The following PIK3C2G variants were observed in gnomAD, a reference collection of about 807,000 sequenced individuals.
PIK3C2G encodes the protein phosphatidylinositol 3-kinase C2 domain-containing subunit gamma.
Under a neutral mutation model 181.1 loss-of-function variants are expected in PIK3C2G, and 168 were observed. The observed-to-expected ratio is 0.93, with a 90% CI of 0.82 to 1.05. The LOEUF (loss-of-function observed/expected upper bound fraction) is 1.05. PIK3C2G is among the 50% of genes least tolerant of loss of function. The pLI, the probability that PIK3C2G is intolerant of heterozygous loss-of-function variation, is 0.00. For synonymous variants in PIK3C2G, 573 were observed against 592.2 expected (o/e 0.97, Z 0.47); for missense variants, 1,869 against 1,732.8 (o/e 1.08, Z -1.40).
intron 5 of PIK3C2G, among the ~76,000 whole-genome samples, chr12:18,297,803 C>T (rs1004684138): frequency 4.6e-5 from 7 of 151,974 alleles, no homozygotes; most frequent in Non-Finnish European, 1.0e-4. Context: ...GCTTGTTTTA[C>T]TTAATGTAAT....
chr12:18,275,451 G>A (rs577788786), intron 1 of PIK3C2G, among the ~76,000 whole-genome samples: 102 of 152,046 alleles, frequency 6.7e-4, no homozygotes, highest in African/African-American at 2.2e-3. Flanking sequence ...ACATGATCTC[G>A]ACTCAGTGCA....
intron 12 of PIK3C2G, among the ~76,000 whole-genome samples, chr12:18,364,109 CATCTTTACCTCTAG>C (rs1376697848): frequency 2.0e-5 from 3 of 152,214 alleles, no homozygotes; most frequent in African/African-American, 7.2e-5. Context: ...CCTATCTCTG[CATCTTTACCTCTAG>C]AATTAACCCC....
chr12:18,557,695 A>AT (rs1945083538), intron 26 of PIK3C2G, among the ~76,000 whole-genome samples: 1 of 152,146 alleles, frequency 6.6e-6, no homozygotes, highest in South Asian at 2.1e-4. Context: ...GACTGTGTAC[A>AT]TACAAATTTC....
At chr12:18,551,021 T>A (rs1944701056) in intron 26 of PIK3C2G, among the ~76,000 whole-genome samples, 1 of 152,102 alleles carries the variant, frequency 6.6e-6, no homozygotes, top group Non-Finnish European at 1.5e-5. Flanking sequence ...CAAGAGCTGA[T>A]CCTAAGAGTT....
the PIK3C2G span, chr12:18,713,827 T>TA: frequency 1.3e-5 from 2 of 152,180 alleles, no homozygotes; most frequent in Admixed American, 6.5e-5. Context: ...TTTTTCTACC[T>TA]AAAAAATAAA....
chr12:18,386,077 A>G (rs1565662986), intron 14 of PIK3C2G, among the ~76,000 whole-genome samples: 1 of 151,540 alleles, frequency 6.6e-6, no homozygotes, highest in Non-Finnish European at 1.5e-5. Flanking sequence ...TCCTCCTTCC[A>G]CAGAACCAAA....
At chr12:18,659,740 T>G in the PIK3C2G span, among the ~76,000 whole-genome samples, 1 of 150,542 alleles carries the variant, frequency 6.6e-6, no homozygotes, top group African/African-American at 2.4e-5. Flanking sequence ...TTGTTAAATA[T>G]GTATACACGT....
At chr12:18,680,960 C>A in the PIK3C2G span, among the ~76,000 whole-genome samples, 233 of 152,114 alleles carry the variant, frequency 1.5e-3, no homozygotes, top group African/African-American at 5.2e-3. Flanking sequence ...AATTAATAGT[C>A]ATTTATGTCA....
the PIK3C2G span, among the ~76,000 whole-genome samples, chr12:18,703,774 C>T: frequency 1.3e-5 from 2 of 152,114 alleles, no homozygotes; most frequent in Non-Finnish European, 1.5e-5. Flanking sequence ...TCTTTGCTGT[C>T]TTGTGTGTCC....
chr12:18,335,460 T>C (rs1235080144), intron 8 of PIK3C2G, among the ~76,000 whole-genome samples: 1 of 151,048 alleles, frequency 6.6e-6, no homozygotes, highest in South Asian at 2.1e-4. Flanking sequence ...ATGTGGGGAG[T>C]GTGTGTGTGT....
the PIK3C2G span, among the ~76,000 whole-genome samples, chr12:18,714,158 T>C: frequency 6.6e-6 from 1 of 152,250 alleles, no homozygotes; most frequent in Non-Finnish European, 1.5e-5. Context: ...TATTGATTTA[T>C]GTATAGATAT....
rs114137109 is a variant in PIK3C2G, at chr12:18,543,429, G to T, written c.3481-2894G>T. On this transcript the variant is annotated intron_variant, in intron 25 of 32. Coordinates refer to ENST00000538779, the MANE Select transcript of PIK3C2G (RefSeq NM_001288772.2). ...ACCTGCCAATTTTTGCTCTCATTGCGATTGCTTTTGGTGTCTTCATCATGA... is the reference window on the plus strand; with the variant it reads ...ACCTGCCAATTTTTGCTCTCATTGCTATTGCTTTTGGTGTCTTCATCATGA... Among the ~76,000 whole-genome samples, 1,175 of 151,824 alleles carry T rather than the reference G, an allele frequency of 7.7e-3. 13 individuals carry two copies. Among genetic ancestry groups the T allele is most frequent in the African/African-American group, 0.027 (1,115 of 41,452 alleles).
intron 29 of PIK3C2G, among the ~76,000 whole-genome samples, chr12:18,591,685 A>C (rs560925730): frequency 6.6e-6 from 1 of 152,090 alleles, no homozygotes; most frequent in South Asian, 2.1e-4. Flanking sequence ...TTTGTTCAGC[A>C]GTTGGTCTGT....
chr12:18,513,913 G>A (rs1942370154), intron 24 of PIK3C2G, among the ~76,000 whole-genome samples: 1 of 151,430 alleles, frequency 6.6e-6, no homozygotes. Context: ...TAGTTCTTCT[G>A]TCTCTAGACT....
At chr12:18,464,720 AT>A (rs1937667397) in intron 18 of PIK3C2G, among the ~76,000 whole-genome samples, 1 of 152,030 alleles carries the variant, frequency 6.6e-6, no homozygotes, top group African/African-American at 2.4e-5. Flanking sequence ...TCTTCTGCAA[AT>A]TTTGTGTGGG....
At chr12:18,528,790 C>T (rs1036099959) in intron 24 of PIK3C2G, among the ~76,000 whole-genome samples, 1 of 152,164 alleles carries the variant, frequency 6.6e-6, no homozygotes, top group Non-Finnish European at 1.5e-5. Flanking sequence ...CAGCTTGTCA[C>T]TGGCCTGGCA....
chr12:18,535,300 A>G (rs1426657646), intron 24 of PIK3C2G, among the ~76,000 whole-genome samples: 1 of 152,152 alleles, frequency 6.6e-6, no homozygotes, highest in Non-Finnish European at 1.5e-5. Flanking sequence ...CATGAAAATC[A>G]TATAGAAAAG....
chr12:18,346,917 T>C (rs1346890689), intron 11 of PIK3C2G, 81 bp downstream of exon 11: 2 of 802,532 alleles, frequency 2.5e-6, no homozygotes, highest in South Asian at 2.9e-5. Flanking sequence ...TGTTCTTATA[T>C]GCAGGAGCAA....
chr12:18,684,279 G>C, the PIK3C2G span: 22 of 1,601,524 alleles, frequency 1.4e-5, no homozygotes, highest in Non-Finnish European at 2.6e-6. Flanking sequence ...TGGACTAAAA[G>C]CTGAAATATA....
Sources: allele counts gnomAD v4.1 joint callset (sites outside exome capture counted in the v4.1 genomes callset), GRCh38; gene constraint gnomAD v4.1.1; transcripts MANE v1.5; gene names NCBI Gene and HGNC (gene_info 2026-07-23, HGNC 2026-07-21).